The following NID2 variants were observed in gnomAD, a reference collection of about 807,000 sequenced individuals.
The protein encoded by NID2 is nidogen 2.
In NID2, 83 loss-of-function variants were observed where a neutral mutation model predicts 145.4. The ratio of observed to expected loss-of-function variants is 0.57; its 90% confidence interval spans 0.48 to 0.69. The LOEUF is 0.69. NID2 is among the 30% of genes least tolerant of loss of function. The pLI, the probability that NID2 is intolerant of heterozygous loss-of-function variation, is 0.00. For synonymous variants in NID2, 739 were observed against 701.3 expected (o/e 1.05, Z -0.85); for missense variants, 1,807 against 1,765.7 (o/e 1.02, Z -0.42).
intron 18 of NID2, chr14:52,008,277 C>CTG (rs1594996159): frequency 4.2e-6 from 1 of 236,122 alleles, no homozygotes; most frequent in African/African-American, 2.3e-5. Context: ...TGCCAAGGAA[C>CTG]TGATGTCCTT....
At chr14:52,016,605 T>C (rs1891221631) in intron 14 of NID2, among the ~76,000 whole-genome samples, 2 of 152,174 alleles carry the variant, frequency 1.3e-5, no homozygotes, top group African/African-American at 4.8e-5. Context: ...CTGCACCCCC[T>C]CACCCTGGTC....
rs764934532 is a variant in NID2, at chr14:52,040,613, AT to A, written c.2026+37del. On this transcript the variant is annotated intron_variant, in intron 8 of 21. Coordinates refer to ENST00000216286, the MANE Select transcript of NID2 (RefSeq NM_007361.4). ...GTATCTATCTTGTGAGATGGGCATAATCCCCATTTTACAGATGTGAAGACTG... is the reference window on the plus strand; with the variant it reads ...GTATCTATCTTGTGAGATGGGCATAACCCCATTTTACAGATGTGAAGACTG... The A allele has an allele frequency of 2.4e-5, 37 of 1,563,494 alleles. No homozygotes were observed. The South Asian group carries it at 2.8e-4, about 12-fold the overall frequency.
chr14:52,029,513 C>T (rs35706797), intron 10 of NID2, 34 bp downstream of exon 10: 108,337 of 1,586,384 alleles, frequency 0.068, 4,288 homozygotes, highest in Middle Eastern at 0.12. Flanking sequence ...AAAACAAGGG[C>T]TACAAGAAGG....
intron 9 of NID2, among the ~76,000 whole-genome samples, chr14:52,033,500 C>T (rs549156158): frequency 4.3e-4 from 65 of 152,324 alleles, no homozygotes; most frequent in African/African-American, 1.6e-3. Context: ...CACCGAGGGA[C>T]AGAGGCTCCA....
At chr14:52,006,710 A>ATGAT (rs1566738095) in intron 19 of NID2, 50 bp from the exon 20 acceptor site, 2 of 1,603,590 alleles carry the variant, frequency 1.2e-6, no homozygotes, top group Non-Finnish European at 8.5e-7. Context: ...TTTGCCAAAA[A>ATGAT]TGATAGTGAC....
intron 5 of NID2, among the ~76,000 whole-genome samples, chr14:52,046,573 C>A (rs961577919): frequency 6.6e-6 from 1 of 152,110 alleles, no homozygotes; most frequent in Non-Finnish European, 1.5e-5. Flanking sequence ...TAGCTTTTAT[C>A]TAAGTAAAAA....
At chr14:52,015,334 T>C (rs551431573) in intron 14 of NID2, 59 bp from the exon 15 acceptor site, 313 of 1,504,698 alleles carry the variant, frequency 2.1e-4, no homozygotes, top group Non-Finnish European at 2.5e-4. Flanking sequence ...AAGGACAGAA[T>C]GCAAAATGTA....
intron 6 of NID2, 92 bp downstream of exon 6, chr14:52,042,690 G>A: frequency 6.2e-6 from 8 of 1,291,424 alleles, no homozygotes; most frequent in Non-Finnish European, 6.6e-6. Context: ...TAGTGGAGAT[G>A]TTTGGTCCAT....
chr14:52,021,263 T>G (rs1891394290), intron 12 of NID2, among the ~76,000 whole-genome samples: 1 of 151,778 alleles, frequency 6.6e-6, no homozygotes, highest in Non-Finnish European at 1.5e-5. Context: ...GTGTGAAACC[T>G]AGAAAATGAG....
Position 52,005,848 on chromosome 14 carries a change from C to A in NID2, c.4006G>T (p.Asp1336Tyr). 1 of 1,600,840 alleles carries A rather than the reference C, an allele frequency of 6.2e-7. No homozygotes were observed. Among genetic ancestry groups the A allele is most frequent in the Non-Finnish European group, 8.6e-7 (1 of 1,167,964 alleles). ...TGTTTATTTACTGATACAACACCAT[C>A]CCTGGTAACAGAAAGGAAGAGTGAA... ...DHFYHTDWRRDGVVSVNKHSG... is the reference protein window; with the variant it reads ...DHFYHTDWRRYGVVSVNKHSG... Residue 1336 changes from aspartate (D) to tyrosine (Y), a missense_variant and splice_region_variant, in exon 21 of 22, where the codon GAT becomes TAT. Asp to Tyr is a radical substitution (Grantham distance 160). Transcript: ENST00000216286.
rs1441803947 is a variant in NID2 at position 52,054,167 on chromosome 14, T to C, written c.922A>G (p.Ser308Gly). Reference sequence around the variant, plus strand: ...TCCAAATTGTCCTCATTATAGTCACTTTCCAGGGCTGTAGCATGGCTGAAG... The same window carrying C: ...TCCAAATTGTCCTCATTATAGTCACCTTCCAGGGCTGTAGCATGGCTGAAG... ...RSFSHATALE[S>G]DYNEDNLDYY... The change falls in exon 4 of 22, where the codon AGT becomes GGT. Residue 308 changes from serine to glycine, a missense_variant. Ser to Gly is a moderately conservative substitution (Grantham distance 56). Transcript: ENST00000216286. 1 of 1,614,126 alleles carries C rather than the reference T, an allele frequency of 6.2e-7. No homozygotes were observed. Among genetic ancestry groups the C allele is most frequent in the Non-Finnish European group, 8.5e-7 (1 of 1,180,016 alleles).
At chr14:52,014,687 T>C (rs1891153522) in intron 15 of NID2, among the ~76,000 whole-genome samples, 2 of 151,014 alleles carry the variant, frequency 1.3e-5, no homozygotes, top group South Asian at 4.2e-4. Context: ...AACACTTCCC[T>C]CAGAACAAAG....
intron 9 of NID2, among the ~76,000 whole-genome samples, chr14:52,037,047 T>C (rs1269185587): frequency 1.3e-5 from 2 of 152,184 alleles, no homozygotes; most frequent in African/African-American, 4.8e-5. Context: ...AAGAAACCAT[T>C]AGCAAATTCA....
intron 1 of NID2, 131 bp downstream of exon 1, chr14:52,068,636 G>A (rs899559579): frequency 7.9e-6 from 6 of 763,552 alleles, no homozygotes; most frequent in Admixed American, 5.3e-5. Flanking sequence ...TCTCTGGCCG[G>A]GTACCACCGC....
chr14:52,010,949 C>T lies in NID2; in HGVS notation c.3649G>A (p.Gly1217Ser), dbSNP rs1220129158. Reference protein sequence around the residue: ...LDKIESALLDGSERKVLFYTD... With the variant: ...LDKIESALLDSSERKVLFYTD... Reference sequence around the variant, plus strand: ...TAGAAGAGGACCTTGCGCTCAGAGCCATCCAGCAGGGCGCTCTCTATCTTA... The same window carrying T: ...TAGAAGAGGACCTTGCGCTCAGAGCTATCCAGCAGGGCGCTCTCTATCTTA... Residue 1217 changes from glycine (G) to serine (S), a missense_variant, in exon 18 of 22, where the codon GGC (glycine) becomes AGC (serine). Transcript: ENST00000216286. 1 of 1,614,152 alleles carries T rather than the reference C, an allele frequency of 6.2e-7. No individual in the cohort carries two copies. Among genetic ancestry groups the T allele is most frequent in the African/African-American group, 1.3e-5 (1 of 75,060 alleles).
Position 52,027,321 on chromosome 14 carries a change from A to C in NID2, c.2554T>G (p.Cys852Gly). 6.3e-7 allele frequency: 1 copy of C among 1,579,506 alleles called. No homozygotes were observed. Among genetic ancestry groups the C allele is most frequent in the East Asian group, 2.4e-5 (1 of 41,702 alleles). ...CILITPPANP[C>G]EDGSHTCAPA... ...GCACAGGTATGACTGCCATCCTCAC[A>C]GGGGTTGGCAGGTGGGGTGATCACT... Residue 852 changes from cysteine to glycine, a missense_variant, in exon 12 of 22, where the codon TGT becomes GGT. Transcript: ENST00000216286.
At chr14:52,032,363 T>A (rs989464723) in intron 9 of NID2, among the ~76,000 whole-genome samples, 1 of 152,356 alleles carries the variant, frequency 6.6e-6, no homozygotes, top group African/African-American at 2.4e-5. Flanking sequence ...TGATGAACTA[T>A]GTCAGCATAA....
At position 52,042,786 on chromosome 14, in the gene NID2, A is replaced by G. The variant is rs775823396; in HGVS notation, c.1575T>C (p.Pro525=). 1.2e-6 allele frequency: 2 copies of G among 1,613,922 alleles called. No homozygotes were observed. Among genetic ancestry groups the G allele is most frequent in the Non-Finnish European group, 8.5e-7 (1 of 1,179,910 alleles). Residue 525 remains proline (P), a synonymous_variant, in exon 6 of 22, where the codon CCT becomes CCC. Coordinates refer to ENST00000216286, the MANE Select transcript of NID2 (RefSeq NM_007361.4). ...KFYGNGKHCL[P]EGAPHRVNGK... The stretch of plus-strand genomic sequence containing the variant: ...TTCCTGGCCCCAGTCAATTACCTTC[A>G]GGCAGACAGTGCTTCCCATTTCCAT...
intron 20 of NID2, chr14:52,006,098 A>T (rs1890768500): frequency 2.0e-6 from 1 of 493,540 alleles, no homozygotes; most frequent in Admixed American, 3.2e-5. Context: ...AAGGGCTTAG[A>T]CTTTAATGTT....
Sources: gnomAD v4.1 joint callset for allele counts (sites outside exome capture counted in the v4.1 genomes callset) on GRCh38, gnomAD v4.1.1 for gene constraint, MANE v1.5 for transcripts, NCBI Gene and HGNC (gene_info 2026-07-23, HGNC 2026-07-21) for gene names.